Variants in TECTA observed in about 807,000 individuals in gnomAD.
TECTA encodes the protein alpha-tectorin.
A neutral mutation model predicts 216.8 loss-of-function variants in TECTA; 128 were observed. The observed-to-expected ratio is 0.59, with a 90% confidence interval of 0.51 to 0.68. TECTA has a LOEUF of 0.68. TECTA is among the 30% of genes least tolerant of loss of function. The pLI, the probability that TECTA is intolerant of heterozygous loss-of-function variation, is 0.00. For synonymous variants in TECTA, 1,089 were observed against 1,117.1 expected, an observed-to-expected ratio of 0.97 and a Z score of 0.50; for missense variants, 2,551 against 2,786.2, an observed-to-expected ratio of 0.92 and a Z score of 1.90.
rs1403236719 is a variant in TECTA, at chr11:121,101,306, A to G, written c.-138A>G. On this transcript the variant is annotated 5_prime_UTR_variant, in exon 1 of 24. Transcript: ENST00000392793. ...GGTTTTAAGAGTACGAGATTCAGAC[A>G]TTATTTCAGGAATCAGAAATTATTG... is the stretch of plus-strand genomic sequence containing the variant. The G allele has an allele frequency of 6.6e-6, 1 of 152,226 alleles. No individual in the cohort carries two copies. The highest frequency in any genetic ancestry group is 1.5e-5 in the Non-Finnish European group (1 of 68,032). The allele number at this position is 152,226 out of a possible 1,614,324, so 9.4% of individuals were successfully genotyped here.
chr11:121,146,803 C>T (rs573669075), intron 12 of TECTA, among the ~76,000 whole-genome samples: 23 of 152,278 alleles, frequency 1.5e-4, no homozygotes, highest in Admixed American at 1.4e-3. Context: ...GCATGCTAAG[C>T]GGTACTGTTA....
intron 14 of TECTA, among the ~76,000 whole-genome samples, chr11:121,159,485 A>G (rs1366957113): frequency 6.6e-6 from 1 of 152,318 alleles, no homozygotes; most frequent in East Asian, 1.9e-4. Context: ...TGGGGAGAAT[A>G]GTTTTATTTT....
intron 10 of TECTA, among the ~76,000 whole-genome samples, chr11:121,134,247 G>A (rs1036821895): frequency 6.6e-6 from 1 of 151,964 alleles, no homozygotes; most frequent in African/African-American, 2.4e-5. Context: ...CAAGATGTAA[G>A]GGAGGTGTCC....
At position 121,137,648 on chromosome 11, in the gene TECTA, T is replaced by A. The variant is rs121909059; in HGVS notation, c.3169T>A (p.Cys1057Ser). The A allele has an allele frequency of 1.9e-6, 3 of 1,614,026 alleles. No homozygotes were observed. Among genetic ancestry groups the A allele is most frequent in the Non-Finnish European group, 2.5e-6 (3 of 1,180,012 alleles). Residue 1057 changes from cysteine (C) to serine (S), a missense_variant, in exon 11 of 24, where the codon TGC becomes AGC. Cys to Ser is a moderately radical substitution (Grantham distance 112). Around this residue, in one of 3 missense-constraint regions of TECTA, gnomAD observed 2,375 missense variants for 2,563.9 expected, o/e 0.93. Coordinates refer to ENST00000392793, the MANE Select transcript of TECTA (RefSeq NM_005422.4). Reference protein sequence around the residue: ...TNETFWVDLDCQIFCYCSGTD... With the variant: ...TNETFWVDLDSQIFCYCSGTD... Reference sequence around the variant, plus strand: ...TGAGACCTTCTGGGTGGACCTGGACTGCCAGATCTTCTGCTATTGCAGTGG... The same window carrying A: ...TGAGACCTTCTGGGTGGACCTGGACAGCCAGATCTTCTGCTATTGCAGTGG...
At chr11:121,173,741 C>T (rs572737344) in intron 20 of TECTA, among the ~76,000 whole-genome samples, 2 of 152,012 alleles carry the variant, frequency 1.3e-5, no homozygotes, top group African/African-American at 2.4e-5. Flanking sequence ...TCATTGGTAG[C>T]TTGATGGGGG....
At chr11:121,121,364 G>C (rs1391549864) in intron 7 of TECTA, among the ~76,000 whole-genome samples, 1 of 152,202 alleles carries the variant, frequency 6.6e-6, no homozygotes, top group Non-Finnish European at 1.5e-5. Context: ...TACTGTGGAA[G>C]AGTGAAATGG....
chr11:121,156,924 C>G lies in TECTA; in HGVS notation c.4306-917C>G, dbSNP rs1591458133. 2.0e-5 allele frequency among the ~76,000 whole-genome samples: 3 copies of G among 152,290 alleles called. No individual in the cohort carries two copies. In the East Asian group the frequency reaches 5.8e-4, roughly 29 times the overall value. On this transcript the variant is annotated intron_variant, in intron 13 of 23. Coordinates refer to ENST00000392793, the MANE Select transcript of TECTA (RefSeq NM_005422.4). ...AAACCCAGGTGGTCTGATCCCAAAA[C>G]GTTCCTTTCATGGACCCCAGGTGTT...
intron 13 of TECTA, among the ~76,000 whole-genome samples, chr11:121,156,976 G>T (rs771874920): frequency 6.6e-6 from 1 of 152,132 alleles, no homozygotes; most frequent in Non-Finnish European, 1.5e-5. Flanking sequence ...TTCAGGACAC[G>T]TGGGAATGAA....
intron 8 of TECTA, among the ~76,000 whole-genome samples, chr11:121,126,508 G>A (rs1946613882): frequency 6.6e-6 from 1 of 152,144 alleles, no homozygotes; most frequent in African/African-American, 2.4e-5. Flanking sequence ...CTTTTTCCCT[G>A]TATCCCACTT....
intron 7 of TECTA, among the ~76,000 whole-genome samples, chr11:121,119,398 A>G (rs1194508500): frequency 1.3e-5 from 2 of 152,154 alleles, no homozygotes; most frequent in Non-Finnish European, 2.9e-5. Context: ...AGAGAAGAAC[A>G]TGGGCATCTG....
At chr11:121,151,539 T>TAC (rs200101003) in intron 12 of TECTA, among the ~76,000 whole-genome samples, 1 of 151,892 alleles carries the variant, frequency 6.6e-6, no homozygotes, top group Admixed American at 6.6e-5. Context: ...CTTATGTGCA[T>TAC]ACACACACAC....
chr11:121,139,510 G>A (rs1242900196), intron 11 of TECTA, among the ~76,000 whole-genome samples: 1 of 152,130 alleles, frequency 6.6e-6, no homozygotes, highest in Non-Finnish European at 1.5e-5. Flanking sequence ...GGCCAAGATG[G>A]TGAAAGCCCG....
chr11:121,108,811 A>C (rs1168851715), intron 3 of TECTA, among the ~76,000 whole-genome samples: 1 of 81,902 alleles, frequency 1.2e-5, no homozygotes, highest in Non-Finnish European at 2.4e-5. Flanking sequence ...ACCTCAGTAC[A>C]CAAACACACA....
intron 7 of TECTA, among the ~76,000 whole-genome samples, chr11:121,124,070 T>A (rs1228277256): frequency 6.6e-6 from 1 of 152,244 alleles, no homozygotes. Context: ...ACACTTTTCC[T>A]TAGCACTTTT....
At chr11:121,133,522 C>T (rs773396561) in intron 10 of TECTA, among the ~76,000 whole-genome samples, 8 of 152,156 alleles carry the variant, frequency 5.3e-5, no homozygotes, top group Non-Finnish European at 1.0e-4. Flanking sequence ...TGTCGTGTCT[C>T]TTTAGTCTCC....
At chr11:121,107,165 A>G (rs1946398338) in intron 3 of TECTA, among the ~76,000 whole-genome samples, 1 of 152,184 alleles carries the variant, frequency 6.6e-6, no homozygotes, top group African/African-American at 2.4e-5. Flanking sequence ...TCTTTGTAAT[A>G]GCTGGTTTTA....
In TECTA at chr11:121,141,601, C is replaced by T. The variant is rs117557003; in HGVS notation, c.3543+3579C>T. ...AGGGCTCAACAGAGACTGCCTCTCTCCTGCCCCCACCCTCAGGCTTCATCG... is the reference window on the plus strand; with the variant it reads ...AGGGCTCAACAGAGACTGCCTCTCTTCTGCCCCCACCCTCAGGCTTCATCG... On this transcript the variant is annotated intron_variant, in intron 11 of 23. Transcript: ENST00000392793. Among the ~76,000 whole-genome samples, 45 of 152,372 alleles carry T rather than the reference C, an allele frequency of 3.0e-4. No homozygotes were observed. The East Asian group carries it at 8.5e-3, about 29-fold the overall frequency.
chr11:121,113,815 C>T lies in TECTA; in HGVS notation c.790+97C>T. 2.1e-6 allele frequency: 3 copies of T among 1,445,110 alleles called. No homozygotes were observed. Among genetic ancestry groups the T allele is most frequent in the Non-Finnish European group, 2.9e-6 (3 of 1,044,100 alleles). 89.5% of individuals were successfully genotyped at this position (1,445,110 alleles called of 1,614,324 possible). A position where few individuals can be genotyped will look rare whatever the true frequency, so the allele number is the denominator to read the frequency against. ...ACGGGGGCGGACTCATTCCTGATGC[C>T]TTACTCTTTTGACATCTCTCCGCTG... On this transcript the variant is annotated intron_variant, in intron 6 of 23. Transcript: ENST00000392793. This position sits in a 1 kb window ranked among gnomAD's most constrained non-coding sequence, Gnocchi z 4.2.
At chr11:121,103,515 G>T (rs1946365040) in intron 2 of TECTA, among the ~76,000 whole-genome samples, 1 of 152,002 alleles carries the variant, frequency 6.6e-6, no homozygotes, top group Non-Finnish European at 1.5e-5. Flanking sequence ...AACCCCACGG[G>T]AATGAAAGAG....
Sources: gnomAD v4.1 joint callset for allele counts (sites outside exome capture counted in the v4.1 genomes callset) on GRCh38, gnomAD v4.1.1 for gene constraint, gnomAD v4.1.1 regional missense constraint, Gnocchi (gnomAD v3.1) non-coding constraint, MANE v1.5 for transcripts, NCBI Gene and HGNC (gene_info 2026-07-23, HGNC 2026-07-21) for gene names.